The following TOPBP1 variants were observed in gnomAD, a reference collection of about 807,000 sequenced individuals.
TOPBP1 encodes the protein DNA topoisomerase II binding protein 1.
A neutral mutation model predicts 167.7 loss-of-function variants in TOPBP1; 28 were observed. The observed-to-expected ratio is 0.17, with a 90% CI of 0.12 to 0.23. The LOEUF is 0.23. TOPBP1 is among the 10% of genes least tolerant of loss of function. TOPBP1 has a pLI of 1.00. For synonymous variants in TOPBP1, 598 were observed against 611.4 expected (o/e 0.98, Z 0.32); for missense variants, 1,554 against 1,809.6 (o/e 0.86, Z 2.56).
chr3:133,658,278 CCA>C (rs1469445997), intron 3 of TOPBP1, among the ~76,000 whole-genome samples: 8 of 152,010 alleles, frequency 5.3e-5, no homozygotes, highest in Non-Finnish European at 1.0e-4. Context: ...ACCAGCCTGG[CCA>C]ACATGGTGAA....
At chr3:133,618,977 G>C (rs1934990140) in intron 20 of TOPBP1, among the ~76,000 whole-genome samples, 1 of 151,760 alleles carries the variant, frequency 6.6e-6, no homozygotes, top group African/African-American at 2.4e-5. Flanking sequence ...TGAATTACAG[G>C]GAAGTGCATT....
intron 14 of TOPBP1, among the ~76,000 whole-genome samples, chr3:133,634,637 A>C (rs1244622059): frequency 6.6e-6 from 1 of 152,254 alleles, no homozygotes; most frequent in Non-Finnish European, 1.5e-5. Context: ...AAAACAACAC[A>C]TACAAAGCAA....
intron 24 of TOPBP1, 94 bp from the exon 25 acceptor site, chr3:133,611,235 T>A: frequency 8.9e-7 from 1 of 1,123,170 alleles, no homozygotes; most frequent in Non-Finnish European, 1.2e-6. Flanking sequence ...GTCTAATAAC[T>A]GTTAAAGCTA....
intron 16 of TOPBP1, among the ~76,000 whole-genome samples, chr3:133,624,925 TAAC>T (rs1313586747): frequency 1.3e-5 from 2 of 152,194 alleles, no homozygotes; most frequent in Non-Finnish European, 2.9e-5. Context: ...GCCATGCTCT[TAAC>T]TATTATATTA....
At position 133,633,991 on chromosome 3, in the gene TOPBP1, C is replaced by T. The variant is rs72970189; in HGVS notation, c.2520+3885G>A. Among the ~76,000 whole-genome samples, 933 of 152,286 alleles carry T rather than the reference C, an allele frequency of 6.1e-3. 10 individuals carry two copies. The highest frequency in any genetic ancestry group is 0.021 in the African/African-American group (881 of 41,544). ...CTACTTGGATATCTAATAGGCATCT[C>T]AAACTTAATGTGTCTAACATGTGAA... On this transcript the variant is annotated intron_variant, in intron 14 of 27. Transcript: ENST00000260810.
intron 10 of TOPBP1, 107 bp from the exon 11 acceptor site, chr3:133,644,470 T>A: frequency 9.1e-7 from 1 of 1,097,126 alleles, no homozygotes; most frequent in Non-Finnish European, 1.3e-6. Context: ...TGACCATACT[T>A]ACAAAACTAA....
chr3:133,645,811 C>T (rs1192600278), intron 10 of TOPBP1, among the ~76,000 whole-genome samples: 2 of 152,130 alleles, frequency 1.3e-5, no homozygotes, highest in African/African-American at 4.8e-5. Flanking sequence ...ACAGACCGCA[C>T]CCAAAAGCCT....
intron 27 of TOPBP1, among the ~76,000 whole-genome samples, chr3:133,605,865 A>C (rs1022966838): frequency 3.9e-5 from 6 of 152,188 alleles, no homozygotes; most frequent in East Asian, 1.9e-4. Flanking sequence ...TAAGGTACTA[A>C]TTGTACTAAG....
chr3:133,638,804 A>G (rs916310866), intron 13 of TOPBP1, among the ~76,000 whole-genome samples: 2 of 152,184 alleles, frequency 1.3e-5, no homozygotes. Flanking sequence ...TTAACAAAAA[A>G]CCTTATTAGA....
chr3:133,624,624 A>C (rs1171861632), intron 16 of TOPBP1, among the ~76,000 whole-genome samples: 6 of 152,200 alleles, frequency 3.9e-5, no homozygotes, highest in African/African-American at 1.4e-4. Flanking sequence ...GAATTGTTTC[A>C]ATTTTCTTTT....
rs1934967148 is a variant in TOPBP1, at chr3:133,618,311, C to G, written c.3494G>C (p.Ser1165Thr). Residue 1165 changes from serine to threonine, a missense_variant, in exon 21 of 28, where the codon AGT becomes ACT. This residue lies in a region of TOPBP1 where 351 missense variants were observed against 432.9 expected (regional missense o/e 0.81). Coordinates refer to ENST00000260810, the MANE Select transcript of TOPBP1 (RefSeq NM_007027.4). The part of the protein sequence containing the change: ...ARLASNLQWP[S>T]CPTQYSELQV... ...AAGCTCAGAGTATTGTGTGGGACAA[C>G]TAGGCCACTGCAAATTGCTGGCAAG... is the stretch of plus-strand genomic sequence containing the variant. 1.9e-6 allele frequency: 3 copies of G among 1,613,988 alleles called. No homozygotes were observed. The highest frequency in any genetic ancestry group is 2.2e-5 in the East Asian group (1 of 44,882).
At chr3:133,616,020 C>T (rs1267892410) in intron 23 of TOPBP1, among the ~76,000 whole-genome samples, 1 of 152,132 alleles carries the variant, frequency 6.6e-6, no homozygotes, top group Non-Finnish European at 1.5e-5. Context: ...TTTTACTATG[C>T]TGCTTCTAGA....
Position 133,601,359 on chromosome 3 carries a change from G to A in TOPBP1, c.4460C>T (p.Pro1487Leu), listed in dbSNP as rs375720264. 99 of 1,564,754 alleles carry A rather than the reference G, an allele frequency of 6.3e-5. No homozygotes were observed. The highest frequency in any genetic ancestry group is 3.4e-4 in the Middle Eastern group (2 of 5,846). The change falls in exon 28 of 28, where the codon CCA becomes CTA. Residue 1487 changes from proline to leucine, a missense_variant. Pro to Leu is a moderately conservative substitution (Grantham distance 98). This residue lies in a region of TOPBP1 where 351 missense variants were observed against 432.9 expected (regional missense o/e 0.81). Transcript: ENST00000260810. ...ATTCTGAATAAATGAAATAGCTTCT[G>A]GTAGACAGTAATTTTCTACATGAGG... ...SPPHVENYCL[P>L]EAISFIQNNK... is the part of the protein sequence containing the mutation.
rs1025307482 is a variant in TOPBP1 at position 133,650,088 on chromosome 3, G to A, written c.1090-145C>T. ...TGAATAAATACATTCTGAAACTTTT[G>A]ATTTTTTAACAGTTCTGCAACTTTG... On this transcript the variant is annotated intron_variant, in intron 8 of 27. Transcript: ENST00000260810. The A allele has an allele frequency of 1.4e-5, 10 of 713,488 alleles. No individual in the cohort carries two copies. The African/African-American group carries it at 1.9e-4, about 13-fold the overall frequency. The allele number at this position is 713,488 out of a possible 1,614,324, so 44.2% of individuals were successfully genotyped here.
At chr3:133,648,245 A>G (rs1936149882) in intron 10 of TOPBP1, among the ~76,000 whole-genome samples, 1 of 152,250 alleles carries the variant, frequency 6.6e-6, no homozygotes, top group South Asian at 2.1e-4. Context: ...AGAGTCTTAG[A>G]GAAACTAAAG....
chr3:133,653,687 G>C (rs1431313632), intron 6 of TOPBP1, among the ~76,000 whole-genome samples, 163 bp from the exon 7 acceptor site: 1 of 151,152 alleles, frequency 6.6e-6, no homozygotes, highest in African/African-American at 2.4e-5. Context: ...GAGTACAGTG[G>C]TGAGATCTTG....
chr3:133,635,811 C>A (rs904350474), intron 14 of TOPBP1, among the ~76,000 whole-genome samples: 2 of 151,996 alleles, frequency 1.3e-5, no homozygotes, highest in Non-Finnish European at 2.9e-5. Flanking sequence ...CACATAGACT[C>A]CAAGAGACAC....
chr3:133,639,897 T>C (rs914994121), intron 13 of TOPBP1, 62 bp downstream of exon 13: 1 of 1,527,434 alleles, frequency 6.5e-7, no homozygotes, highest in South Asian at 1.2e-5. Flanking sequence ...CATTGGCACA[T>C]TTATATCCCA....
At chr3:133,653,594 T>C (rs1936375048) in intron 6 of TOPBP1, 70 bp from the exon 7 acceptor site, 2 of 1,243,036 alleles carry the variant, frequency 1.6e-6, no homozygotes, top group Middle Eastern at 3.9e-4. Context: ...TTACAATCTA[T>C]CTTTGCAGAA....
Sources: gnomAD v4.1 joint callset for allele counts (sites outside exome capture counted in the v4.1 genomes callset) on GRCh38, gnomAD v4.1.1 for gene constraint, gnomAD v4.1.1 regional missense constraint, MANE v1.5 for transcripts, NCBI Gene and HGNC (gene_info 2026-07-23, HGNC 2026-07-21) for gene names.